Variants in MUSK observed in about 807,000 individuals in gnomAD.
The protein encoded by MUSK is muscle, skeletal receptor tyrosine-protein kinase.
Under a neutral mutation model 88.7 loss-of-function variants are expected in MUSK, and 55 were observed. The ratio of observed to expected loss-of-function variants is 0.62; its 90% CI spans 0.50 to 0.78. The LOEUF (loss-of-function observed/expected upper bound fraction) is 0.78. Ranked by LOEUF, MUSK falls within the 30% of genes least tolerant of loss-of-function variation. The probability of loss-of-function intolerance (pLI) is 0.00; values close to 1 mark genes in which losing one functional copy is unlikely to be tolerated. For missense variants in MUSK, 1,015 were observed against 1,074.3 expected, an observed-to-expected ratio of 0.94 and a Z score of 0.77; for synonymous variants, 387 against 391.9, an observed-to-expected ratio of 0.99 and a Z score of 0.15.
chr9:110,790,295 A>C, intron 14 of MUSK, among the ~76,000 whole-genome samples: 1 of 152,252 alleles, frequency 6.6e-6, no homozygotes, highest in Middle Eastern at 3.4e-3. Context: ...TGAGCTCAAA[A>C]GAAGAGGAAG....
chr9:110,697,053 A>G (rs897984483), intron 4 of MUSK, among the ~76,000 whole-genome samples: 12 of 148,332 alleles, frequency 8.1e-5, no homozygotes, highest in Admixed American at 5.4e-4. Flanking sequence ...ATACATATAC[A>G]TATTATATAT....
intron 2 of MUSK, among the ~76,000 whole-genome samples, chr9:110,683,653 T>A (rs1377025184): frequency 6.6e-6 from 1 of 152,152 alleles, no homozygotes; most frequent in East Asian, 1.9e-4. Context: ...TGTTATTGCC[T>A]GTCTTTTGGC....
intron 5 of MUSK, among the ~76,000 whole-genome samples, chr9:110,713,997 A>C (rs755205243): frequency 6.6e-6 from 1 of 152,204 alleles, no homozygotes; most frequent in Non-Finnish European, 1.5e-5. Context: ...ATGTAAATCT[A>C]AAATTATTTC....
chr9:110,740,658 G>T (rs1324684313), intron 6 of MUSK, among the ~76,000 whole-genome samples: 1 of 152,116 alleles, frequency 6.6e-6, no homozygotes, highest in Non-Finnish European at 1.5e-5. Context: ...CATACTGTAG[G>T]CTTTAGAAGC....
chr9:110,728,809 C>A, intron 5 of MUSK: 1 of 995,824 alleles, frequency 1.0e-6, no homozygotes, highest in Non-Finnish European at 1.4e-6. Context: ...GCTCTAAGTG[C>A]CATTTTTAAA....
intron 4 of MUSK, 127 bp downstream of exon 4, chr9:110,695,657 T>A: frequency 2.5e-6 from 2 of 788,798 alleles, no homozygotes; most frequent in Non-Finnish European, 3.9e-6. Context: ...TTTAACCAAA[T>A]GTAAATATTT....
intron 5 of MUSK, among the ~76,000 whole-genome samples, chr9:110,706,345 C>T (rs945882865): frequency 6.6e-6 from 1 of 151,984 alleles, no homozygotes; most frequent in African/African-American, 2.4e-5. Flanking sequence ...GCTGCCTATT[C>T]ATTTTATTAG....
intron 4 of MUSK, 56 bp from the exon 5 acceptor site, chr9:110,697,269 A>G: frequency 1.6e-5 from 25 of 1,584,132 alleles, no homozygotes; most frequent in Admixed American, 3.4e-5. Flanking sequence ...TATTTGGCAA[A>G]TGTATCCTTG....
chr9:110,706,779 G>A (rs1055112991), intron 5 of MUSK, among the ~76,000 whole-genome samples: 9 of 152,108 alleles, frequency 5.9e-5, no homozygotes, highest in African/African-American at 1.2e-4. Context: ...CGAGGCAGGC[G>A]GATCACTTGA....
intron 6 of MUSK, among the ~76,000 whole-genome samples, chr9:110,746,649 G>T (rs2077177949): frequency 1.3e-5 from 2 of 152,140 alleles, no homozygotes; most frequent in African/African-American, 4.8e-5. Flanking sequence ...GCTCTTTAAG[G>T]ACATTTGATT....
At chr9:110,746,901 G>A (rs2077180738) in intron 6 of MUSK, among the ~76,000 whole-genome samples, 1 of 152,108 alleles carries the variant, frequency 6.6e-6, no homozygotes, top group Non-Finnish European at 1.5e-5. Flanking sequence ...TGCATTTATG[G>A]GGAACTGAAC....
intron 7 of MUSK, among the ~76,000 whole-genome samples, chr9:110,758,203 A>G (rs886324113): frequency 6.6e-6 from 1 of 152,166 alleles, no homozygotes; most frequent in Non-Finnish European, 1.5e-5. Context: ...GGCTCAAATG[A>G]TCCTCCTGCC....
At chr9:110,699,632 TA>T (rs892446613) in intron 5 of MUSK, among the ~76,000 whole-genome samples, 2 of 151,774 alleles carry the variant, frequency 1.3e-5, no homozygotes, top group South Asian at 2.1e-4. Flanking sequence ...AGTTTTTTTT[TA>T]AAAAAAAGCA....
chr9:110,766,310 G>A (rs909995364), intron 8 of MUSK, among the ~76,000 whole-genome samples: 1 of 152,120 alleles, frequency 6.6e-6, no homozygotes, highest in Non-Finnish European at 1.5e-5. Flanking sequence ...CGTTTACTGA[G>A]CCTCAACAAC....
rs367604108 is a variant in MUSK, at chr9:110,802,357, A to G, written c.*1369A>G. On this transcript the variant is annotated 3_prime_UTR_variant, in exon 15 of 15. Transcript: ENST00000374448. Reference sequence around the variant, plus strand: ...TTATTTCTGATATAGCAGGAACCCAAATTCTCCTGAAAACGAACAGGGAAG... The same window carrying G: ...TTATTTCTGATATAGCAGGAACCCAGATTCTCCTGAAAACGAACAGGGAAG... 6.6e-6 allele frequency among the ~76,000 whole-genome samples: 1 copy of G among 152,282 alleles called. No individual in the cohort carries two copies. The highest frequency in any genetic ancestry group is 2.4e-5 in the African/African-American group (1 of 41,552).
chr9:110,725,855 G>A (rs73657650), intron 5 of MUSK, among the ~76,000 whole-genome samples: 3,387 of 152,094 alleles, frequency 0.022, 131 homozygotes, highest in African/African-American at 0.073. Flanking sequence ...TAAAGACTAT[G>A]AAGCAGAATA....
At chr9:110,717,038 T>C (rs1180490330) in intron 5 of MUSK, among the ~76,000 whole-genome samples, 1 of 149,954 alleles carries the variant, frequency 6.7e-6, no homozygotes, top group Non-Finnish European at 1.5e-5. Context: ...AAGCAGAATA[T>C]AGATAAATAC....
chr9:110,743,769 C>T (rs551020947), intron 6 of MUSK, among the ~76,000 whole-genome samples: 4 of 152,136 alleles, frequency 2.6e-5, no homozygotes, highest in African/African-American at 9.6e-5. Flanking sequence ...CTGTGTAAAC[C>T]AAAATAATTA....
chr9:110,767,798 T>G (rs899901944), intron 8 of MUSK, 22 bp from the exon 9 acceptor site: 1 of 1,611,886 alleles, frequency 6.2e-7, no homozygotes, highest in African/African-American at 1.3e-5. Flanking sequence ...TGATTAGAAA[T>G]GTTGTTCATT....
Sources: allele counts gnomAD v4.1 joint callset (sites outside exome capture counted in the v4.1 genomes callset), GRCh38; gene constraint gnomAD v4.1.1; transcripts MANE v1.5; gene names NCBI Gene and HGNC (gene_info 2026-07-23, HGNC 2026-07-21).